Variants in UNC5C observed in about 807,000 individuals in gnomAD.
The protein encoded by UNC5C is netrin receptor UNC5C.
UNC5C carries 47 observed loss-of-function variants against 99.8 expected under a neutral mutation model. That is an observed-to-expected ratio of 0.47 (90% CI 0.37 to 0.60). The LOEUF (loss-of-function observed/expected upper bound fraction) is 0.60. UNC5C is among the 20% of genes least tolerant of loss of function. The pLI, the probability that UNC5C is intolerant of heterozygous loss-of-function variation, is 0.00. For synonymous variants in UNC5C, 487 were observed against 452.2 expected (o/e 1.08, Z -0.98); for missense variants, 1,062 against 1,165.9 (o/e 0.91, Z 1.30).
intron 1 of UNC5C, among the ~76,000 whole-genome samples, chr4:95,347,735 C>T (rs1743830831): frequency 6.6e-6 from 1 of 152,034 alleles, no homozygotes; most frequent in Non-Finnish European, 1.5e-5. Flanking sequence ...ACCCCTATCT[C>T]TCACCATATA....
chr4:95,461,462 T>C (rs1185701327), intron 1 of UNC5C, among the ~76,000 whole-genome samples: 1 of 151,148 alleles, frequency 6.6e-6, no homozygotes, highest in Non-Finnish European at 1.5e-5. Flanking sequence ...TATTGTTGGC[T>C]TGTCTAAAAT....
At chr4:95,199,194 G>C (rs1160747193) in intron 12 of UNC5C, among the ~76,000 whole-genome samples, 1 of 152,164 alleles carries the variant, frequency 6.6e-6, no homozygotes, top group Admixed American at 6.5e-5. Flanking sequence ...GAAGTAGCGA[G>C]ATGGGAGAGA....
At chr4:95,239,921 A>G (rs887601719) in intron 7 of UNC5C, among the ~76,000 whole-genome samples, 2 of 152,214 alleles carry the variant, frequency 1.3e-5, no homozygotes, top group African/African-American at 4.8e-5. Flanking sequence ...TCTGAATCCT[A>G]CTAACATCCA....
At chr4:95,190,497 T>G (rs903215263) in intron 12 of UNC5C, among the ~76,000 whole-genome samples, 5 of 151,200 alleles carry the variant, frequency 3.3e-5, no homozygotes, top group Non-Finnish European at 7.4e-5. Flanking sequence ...AATAAAAAAA[T>G]TTTTTTTTTG....
chr4:95,213,957 G>C (rs1738161275), intron 10 of UNC5C, among the ~76,000 whole-genome samples: 1 of 152,194 alleles, frequency 6.6e-6, no homozygotes, highest in African/African-American at 2.4e-5. Flanking sequence ...AGAAAAGCCT[G>C]AGTCTGAATT....
At chr4:95,171,755 G>C (rs1373360752) in intron 14 of UNC5C, among the ~76,000 whole-genome samples, 2 of 151,684 alleles carry the variant, frequency 1.3e-5, no homozygotes, top group Non-Finnish European at 2.9e-5. Flanking sequence ...TATATACCCA[G>C]TAATGGGATG....
intron 4 of UNC5C, among the ~76,000 whole-genome samples, chr4:95,262,516 G>A (rs759131993): frequency 1.1e-4 from 16 of 152,200 alleles, no homozygotes; most frequent in East Asian, 7.7e-4. Context: ...CTAGACAGGC[G>A]AGCAGGGATG....
intron 1 of UNC5C, among the ~76,000 whole-genome samples, chr4:95,364,698 C>T (rs1429294650): frequency 3.3e-5 from 5 of 152,120 alleles, no homozygotes; most frequent in African/African-American, 9.7e-5. Context: ...TCTTTTTCAT[C>T]CTAAGATATT....
At chr4:95,524,503 A>T (rs532058221) in intron 1 of UNC5C, among the ~76,000 whole-genome samples, 12 of 152,186 alleles carry the variant, frequency 7.9e-5, no homozygotes, top group Non-Finnish European at 1.5e-4. Context: ...TGCATAAGAC[A>T]TTTAAAATAA....
intron 7 of UNC5C, among the ~76,000 whole-genome samples, chr4:95,230,325 G>A (rs1265852147): frequency 1.3e-5 from 2 of 151,990 alleles, no homozygotes; most frequent in East Asian, 1.9e-4. Flanking sequence ...TAAGTTCCTT[G>A]TTGATTGTGG....
chr4:95,302,494 A>G (rs1307849617), intron 2 of UNC5C, among the ~76,000 whole-genome samples: 13 of 152,218 alleles, frequency 8.5e-5, no homozygotes, highest in Non-Finnish European at 4.4e-5. Flanking sequence ...ATTTATCTTG[A>G]ATTATCAAGG....
chr4:95,440,029 T>A (rs1746903781), intron 1 of UNC5C, among the ~76,000 whole-genome samples: 1 of 152,218 alleles, frequency 6.6e-6, no homozygotes, highest in Non-Finnish European at 1.5e-5. Context: ...CTCTCCTGCA[T>A]TTTGTGCAAA....
chr4:95,290,349 T>C (rs987057928), intron 3 of UNC5C, among the ~76,000 whole-genome samples: 14 of 151,896 alleles, frequency 9.2e-5, no homozygotes, highest in Non-Finnish European at 1.5e-5. Flanking sequence ...TGGTGTTTTT[T>C]TTTTTTTAAC....
chr4:95,422,620 C>T (rs1176877160), intron 1 of UNC5C, among the ~76,000 whole-genome samples: 3 of 152,190 alleles, frequency 2.0e-5, no homozygotes, highest in Non-Finnish European at 4.4e-5. Context: ...TCGCCTCAAC[C>T]TTCTTAACTG....
Position 95,185,135 on chromosome 4 carries a change from T to C in UNC5C, c.2198A>G (p.His733Arg). ...GQLLEEPKALHFKGSTHNLRL... is the reference protein window; with the variant it reads ...GQLLEEPKALRFKGSTHNLRL... ...CAGGTTGTGGGTGCTGCCTTTAAAA[T>C]GAAGAGCCTTAGGTTCTTCTAGGAG... The change falls in exon 13 of 16, where the codon CAT becomes CGT. Residue 733 changes from histidine (H) to arginine (R), a missense_variant. Coordinates refer to ENST00000453304, the MANE Select transcript of UNC5C (RefSeq NM_003728.4). 1 of 1,614,064 alleles carries C rather than the reference T, an allele frequency of 6.2e-7. No individual in the cohort carries two copies. The highest frequency in any genetic ancestry group is 1.7e-5 in the Admixed American group (1 of 59,960).
intron 1 of UNC5C, among the ~76,000 whole-genome samples, chr4:95,396,569 G>C (rs911241252): frequency 1.3e-5 from 2 of 152,102 alleles, no homozygotes; most frequent in Non-Finnish European, 2.9e-5. Flanking sequence ...CCTGAAAACC[G>C]AGCTGGCAGT....
At chr4:95,496,167 G>A (rs1721627102) in intron 1 of UNC5C, among the ~76,000 whole-genome samples, 1 of 151,672 alleles carries the variant, frequency 6.6e-6, no homozygotes, top group Admixed American at 6.6e-5. Context: ...CAAGAAGAGT[G>A]GCATCCTGTT....
At position 95,170,134 on chromosome 4, in the gene UNC5C, T is replaced by G. The variant is rs199798813; in HGVS notation, c.2630+20A>C. 1.5e-4 allele frequency: 234 copies of G among 1,607,334 alleles called. No homozygotes were observed. The highest frequency in any genetic ancestry group is 1.7e-4 in the Middle Eastern group (1 of 5,968). On this transcript the variant is annotated intron_variant, in intron 15 of 15. Transcript: ENST00000453304. ...GGCACTAACAGAAAGAAGCTAGTCT[T>G]GGGGCCAGACCATACCCACCTGTCC... is the stretch of plus-strand genomic sequence containing the variant.
At chr4:95,325,497 G>A (rs1219369067) in intron 2 of UNC5C, among the ~76,000 whole-genome samples, 1 of 152,048 alleles carries the variant, frequency 6.6e-6, no homozygotes, top group Non-Finnish European at 1.5e-5. Flanking sequence ...GAAGGATGAA[G>A]CTGAGATTTT....
Sources: allele counts gnomAD v4.1 joint callset (sites outside exome capture counted in the v4.1 genomes callset), GRCh38; gene constraint gnomAD v4.1.1; transcripts MANE v1.5; gene names NCBI Gene and HGNC (gene_info 2026-07-23, HGNC 2026-07-21).